The following NOL4L variants were observed in gnomAD, a reference collection of about 807,000 sequenced individuals.
The protein encoded by NOL4L is nucleolar protein 4 like, also known as nucleolar protein 4-like.
In NOL4L, 7 loss-of-function variants were observed where a neutral mutation model predicts 64.5. The ratio of observed to expected loss-of-function variants is 0.11; its 90% CI spans 0.06 to 0.20. The LOEUF is 0.20. Ranked by LOEUF, NOL4L falls within the 10% of genes least tolerant of loss-of-function variation. The pLI is 1.00. For missense variants in NOL4L, 680 were observed against 967.1 expected, an observed-to-expected ratio of 0.70 and a Z score of 3.94; for synonymous variants, 413 against 401.0, an observed-to-expected ratio of 1.03 and a Z score of -0.36.
chr20:32,565,791 G>A (rs1289582795), intron 1 of NOL4L, among the ~76,000 whole-genome samples: 3 of 152,192 alleles, frequency 2.0e-5, no homozygotes, highest in African/African-American at 4.8e-5. Context: ...AGTGGCTCAC[G>A]CCTGTAATCT....
intron 1 of NOL4L, among the ~76,000 whole-genome samples, chr20:32,556,107 C>A (rs187342317): frequency 1.4e-4 from 21 of 152,326 alleles, no homozygotes; most frequent in African/African-American, 1.7e-4. Flanking sequence ...GTAGGCCCCC[C>A]CTAAATACAT....
At position 32,509,687 on chromosome 20, in the gene NOL4L, C is replaced by T. The variant is rs192798920; in HGVS notation, c.699+1660G>A. ...GTCTTAACTCCCCTCCTTCCATTGA[C>T]GCAAGTGAAGATACAGTTAGGATTT... is the stretch of plus-strand genomic sequence containing the variant. On this transcript the variant is annotated intron_variant, in intron 4 of 10. Coordinates refer to ENST00000621426, the MANE Select transcript of NOL4L (RefSeq NM_001256798.2). 4,106 of 1,143,858 alleles carry T rather than the reference C, an allele frequency of 3.6e-3. 16 individuals are homozygous for T. The highest frequency in any genetic ancestry group is 4.8e-3 in the South Asian group (315 of 65,834). The allele number at this position is 1,143,858 out of a possible 1,614,324, so 70.9% of individuals were successfully genotyped here.
intron 1 of NOL4L, among the ~76,000 whole-genome samples, chr20:32,562,835 C>T (rs2092196018): frequency 6.7e-6 from 1 of 149,562 alleles, no homozygotes; most frequent in African/African-American, 2.5e-5. Context: ...CACAGGCTGA[C>T]AGCCCTTCCA....
At chr20:32,576,820 A>T (rs1197783657) in intron 1 of NOL4L, among the ~76,000 whole-genome samples, 1 of 152,218 alleles carries the variant, frequency 6.6e-6, no homozygotes, top group East Asian at 1.9e-4. Context: ...TCCGTCTCCC[A>T]CAAGGCTGGG....
Position 32,578,141 on chromosome 20 carries a change from AGGG to A in NOL4L, c.321+6426_321+6428del, listed in dbSNP as rs1418489528. Among the ~76,000 whole-genome samples the A allele has an allele frequency of 7.3e-4, 39 of 53,662 alleles. 1 individual carries two copies. The highest frequency in any genetic ancestry group is 3.9e-3 in the African/African-American group (38 of 9,856). The allele number at this position is 53,662 out of a possible 152,430, so 35.2% of individuals were successfully genotyped here. On this transcript the variant is annotated intron_variant, in intron 1 of 10. Transcript: ENST00000621426. The stretch of plus-strand genomic sequence containing the variant: ...GAAGGAAGGAAGGAAGGAAGGAAGG[AGGG>A]AGGGAGGGAGGGAGGGAGGGAGGGA...
chr20:32,467,699 C>T (rs1359570622), intron 5 of NOL4L, among the ~76,000 whole-genome samples: 7 of 152,198 alleles, frequency 4.6e-5, no homozygotes, highest in African/African-American at 1.7e-4. Flanking sequence ...ATCTGGTCCT[C>T]AACCGCCTGG....
At chr20:32,522,146 G>A (rs2017967219) in intron 2 of NOL4L, among the ~76,000 whole-genome samples, 1 of 152,246 alleles carries the variant, frequency 6.6e-6, no homozygotes, top group Admixed American at 6.5e-5. Context: ...CCCAGGCTGT[G>A]GCTGGGCTCT....
intron 4 of NOL4L, among the ~76,000 whole-genome samples, chr20:32,484,046 G>A (rs911720632): frequency 6.6e-6 from 1 of 151,988 alleles, no homozygotes. Flanking sequence ...GTGGGGGCTG[G>A]GGGGAGAGGG....
intron 1 of NOL4L, among the ~76,000 whole-genome samples, chr20:32,541,532 C>T (rs955552611): frequency 1.2e-4 from 18 of 152,250 alleles, no homozygotes; most frequent in African/African-American, 2.2e-4. Flanking sequence ...CGCCTGAAGC[C>T]GGCTGTCAGG....
In NOL4L at chr20:32,520,807, C is replaced by A. The variant is rs1480699086; in HGVS notation, c.589+4G>T. ...CTAGCCCTCCAGCACGCCACCCCTGCTACCTTTGGGTTCCAGGCCATTGGA... is the reference window on the plus strand; with the variant it reads ...CTAGCCCTCCAGCACGCCACCCCTGATACCTTTGGGTTCCAGGCCATTGGA... On this transcript the variant is annotated splice_donor_region_variant and intron_variant, in intron 3 of 10. Coordinates refer to ENST00000621426, the MANE Select transcript of NOL4L (RefSeq NM_001256798.2). 2 of 1,537,296 alleles carry A rather than the reference C, an allele frequency of 1.3e-6. No individual in the cohort carries two copies. The highest frequency in any genetic ancestry group is 1.8e-6 in the Non-Finnish European group (2 of 1,134,776).
intron 3 of NOL4L, among the ~76,000 whole-genome samples, chr20:32,516,996 T>C (rs991702950): frequency 1.3e-5 from 2 of 152,208 alleles, no homozygotes; most frequent in South Asian, 4.1e-4. Context: ...ACACCCACTT[T>C]GCATGCTGTG....
chr20:32,486,942 T>C (rs1278677574), intron 4 of NOL4L: 1 of 349,334 alleles, frequency 2.9e-6, no homozygotes, highest in African/African-American at 2.2e-5. Context: ...AAACATTCAT[T>C]GTCACTAATT....
intron 1 of NOL4L, among the ~76,000 whole-genome samples, chr20:32,538,386 C>T (rs1163484180): frequency 4.6e-5 from 7 of 152,146 alleles, no homozygotes; most frequent in Non-Finnish European, 1.0e-4. Context: ...CCAGTGGCGG[C>T]GGGTGTCTGG....
intron 3 of NOL4L, among the ~76,000 whole-genome samples, chr20:32,511,696 A>G (rs1467464221): frequency 6.6e-6 from 1 of 152,208 alleles, no homozygotes; most frequent in Non-Finnish European, 1.5e-5. Flanking sequence ...ACGTTAAAAA[A>G]CAATGAGGCC....
In NOL4L at chr20:32,585,152, C is replaced by G. The variant is rs1980808248; in HGVS notation, c.-262G>C. The G allele has an allele frequency of 6.6e-6, 1 of 150,930 alleles. No individual in the cohort carries two copies. Among genetic ancestry groups the G allele is most frequent in the Non-Finnish European group, 1.5e-5 (1 of 67,794 alleles). 9.3% of individuals were successfully genotyped at this position (150,930 alleles called of 1,614,324 possible). A position where few individuals can be genotyped will look rare whatever the true frequency, so the allele number is the denominator to read the frequency against. Reference sequence around the variant, plus strand: ...CCTCCTGCTCCGCCTCCTCCTCCCCCCGGCCGGGATGCAGGAGCGATGGAG... The same window carrying G: ...CCTCCTGCTCCGCCTCCTCCTCCCCGCGGCCGGGATGCAGGAGCGATGGAG... On this transcript the variant is annotated 5_prime_UTR_variant, in exon 1 of 11. Coordinates refer to ENST00000621426, the MANE Select transcript of NOL4L (RefSeq NM_001256798.2).
chr20:32,566,171 G>A (rs6119900), intron 1 of NOL4L, among the ~76,000 whole-genome samples: 19,065 of 152,250 alleles, frequency 0.13, 1,569 homozygotes, highest in African/African-American at 0.23. Context: ...GGTTCTATGG[G>A]CTGCAAAACT....
chr20:32,574,379 C>T (rs1011577691), intron 1 of NOL4L, among the ~76,000 whole-genome samples: 4 of 152,314 alleles, frequency 2.6e-5, no homozygotes, highest in Admixed American at 2.6e-4. Context: ...AACTGAGGCA[C>T]CCAGTGGTTG....
intron 2 of NOL4L, among the ~76,000 whole-genome samples, chr20:32,523,431 A>T (rs1381683604): frequency 2.0e-5 from 3 of 152,144 alleles, no homozygotes; most frequent in African/African-American, 7.2e-5. Flanking sequence ...GCATCTTCTG[A>T]TTCATCTTCC....
intron 1 of NOL4L, among the ~76,000 whole-genome samples, chr20:32,574,675 A>C (rs1305366592): frequency 1.3e-5 from 2 of 152,066 alleles, no homozygotes; most frequent in Non-Finnish European, 2.9e-5. Flanking sequence ...CATCCACCCA[A>C]GCAGAGGCCT....
Sources: gnomAD v4.1 joint callset for allele counts (sites outside exome capture counted in the v4.1 genomes callset) on GRCh38, gnomAD v4.1.1 for gene constraint, MANE v1.5 for transcripts, NCBI Gene and HGNC (gene_info 2026-07-23, HGNC 2026-07-21) for gene names.